The following POFUT1 variants were observed in gnomAD, a reference collection of about 807,000 sequenced individuals.
POFUT1 encodes protein O-fucosyltransferase 1.
In POFUT1, 16 loss-of-function variants were observed where a neutral mutation model predicts 42.4. The observed-to-expected ratio is 0.38, with a 90% confidence interval of 0.26 to 0.57. The LOEUF (loss-of-function observed/expected upper bound fraction) is 0.57. POFUT1 is among the 20% of genes least tolerant of loss of function. The pLI is 0.71. For synonymous variants in POFUT1, 206 were observed against 205.4 expected (o/e 1.00, Z -0.03); for missense variants, 470 against 504.6 (o/e 0.93, Z 0.66).
rs1224113052 is a variant in POFUT1, at chr20:32,217,144, A to G, written c.542+423A>G. 9 of 1,559,770 alleles carry G rather than the reference A, an allele frequency of 5.8e-6. No homozygotes were observed. The African/African-American group carries it at 8.3e-5, about 14-fold the overall frequency. ...TGGACGTGTTTATTAATTGCACCCC[A>G]TTAGCCCCTGTTTTTAAAAAATATA... On this transcript the variant is annotated intron_variant, in intron 4 of 6. Transcript: ENST00000375749.
intron 6 of POFUT1, chr20:32,231,267 C>T: frequency 1.7e-6 from 1 of 581,838 alleles, no homozygotes; most frequent in Non-Finnish European, 3.0e-6. Flanking sequence ...TCCTGGAGCT[C>T]ACGTATCCCT....
chr20:32,223,735 A>G (rs989280505), intron 4 of POFUT1: 2 of 968,554 alleles, frequency 2.1e-6, no homozygotes, highest in African/African-American at 1.8e-5. Flanking sequence ...AAAAATATTT[A>G]TCATGCCTAC....
intron 4 of POFUT1, among the ~76,000 whole-genome samples, chr20:32,218,961 G>C (rs369308672): frequency 1.3e-5 from 2 of 152,216 alleles, no homozygotes; most frequent in African/African-American, 2.4e-5. Context: ...TTTGGGAAAG[G>C]AAAATTAGTA....
chr20:32,214,165 C>A (rs2122568892), intron 2 of POFUT1, among the ~76,000 whole-genome samples: 1 of 152,032 alleles, frequency 6.6e-6, no homozygotes, highest in East Asian at 1.9e-4. Context: ...CACTCTGTGG[C>A]CCAGGCTAGA....
At chr20:32,213,282 T>G (rs1440905009) in intron 2 of POFUT1, among the ~76,000 whole-genome samples, 1 of 151,602 alleles carries the variant, frequency 6.6e-6, no homozygotes, top group Non-Finnish European at 1.5e-5. Context: ...GCCAACATGG[T>G]GAAACCCCAT....
intron 5 of POFUT1, among the ~76,000 whole-genome samples, chr20:32,230,368 C>T (rs1376831350): frequency 7.5e-6 from 1 of 134,172 alleles, no homozygotes; most frequent in Non-Finnish European, 1.5e-5. Flanking sequence ...GCCTGGGCGA[C>T]AGAGCAAGAC....
chr20:32,230,707 A>G, intron 5 of POFUT1, 112 bp from the exon 6 acceptor site: 1 of 1,305,180 alleles, frequency 7.7e-7, no homozygotes, highest in Non-Finnish European at 1.0e-6. Context: ...AAAAAAAAAA[A>G]AAATGTAGTT....
chr20:32,223,068 C>T (rs2047398605), intron 4 of POFUT1: 1 of 985,322 alleles, frequency 1.0e-6, no homozygotes, highest in African/African-American at 1.7e-5. Flanking sequence ...CAGATACATA[C>T]TGGACACATA....
At chr20:32,217,385 A>T (rs1367332502) in intron 4 of POFUT1, 6 of 1,082,864 alleles carry the variant, frequency 5.5e-6, no homozygotes, top group Admixed American at 9.4e-5. Context: ...GAAGGCAGAC[A>T]TTGGTTAGGA....
At position 32,237,487 on chromosome 20, in the gene POFUT1, G is replaced by C. The variant is rs1306702373; in HGVS notation, c.*2826G>C. On this transcript the variant is annotated 3_prime_UTR_variant, in exon 7 of 7. Coordinates refer to ENST00000375749, the MANE Select transcript of POFUT1 (RefSeq NM_015352.2). ...TGGCAGAGAAAACAGCACGTGCAAA[G>C]GCCCCGAGACTGGAGTGTGTTCCTG... The C allele has an allele frequency of 4.8e-6, 1 of 207,796 alleles. No homozygotes were observed. The highest frequency in any genetic ancestry group is 2.3e-5 in the African/African-American group (1 of 44,424). 12.9% of individuals were successfully genotyped at this position (207,796 alleles called of 1,614,324 possible).
intron 4 of POFUT1, among the ~76,000 whole-genome samples, chr20:32,218,277 C>A (rs994786882): frequency 1.6e-4 from 25 of 152,186 alleles, no homozygotes; most frequent in African/African-American, 5.3e-4. Context: ...GCTGGGAGTG[C>A]AGGCATGTGC....
In POFUT1 at chr20:32,237,599, T is replaced by G. The variant is rs1048469648; in HGVS notation, c.*2938T>G. 1 of 298,634 alleles carries G rather than the reference T, an allele frequency of 3.3e-6. No homozygotes were observed. Among genetic ancestry groups the G allele is most frequent in the African/African-American group, 2.2e-5 (1 of 46,312 alleles). 18.5% of individuals were successfully genotyped at this position (298,634 alleles called of 1,614,324 possible). ...GGTCAGAGCAGGCGAGCTGACATTCTGCAGCCTGGACGGCCATGGCAGGAA... is the reference window on the plus strand; with the variant it reads ...GGTCAGAGCAGGCGAGCTGACATTCGGCAGCCTGGACGGCCATGGCAGGAA... On this transcript the variant is annotated 3_prime_UTR_variant, in exon 7 of 7. Transcript: ENST00000375749.
At chr20:32,222,155 T>G (rs376847263) in intron 4 of POFUT1, among the ~76,000 whole-genome samples, 11 of 152,078 alleles carry the variant, frequency 7.2e-5, no homozygotes, top group African/African-American at 2.4e-4. Context: ...AAAAAAAATT[T>G]AGCCGTGCAT....
Position 32,237,926 on chromosome 20 carries a change from T to C in POFUT1, c.*3265T>C. The C allele has an allele frequency of 2.2e-6, 1 of 462,832 alleles. No homozygotes were observed. The highest frequency in any genetic ancestry group is 4.5e-6 in the Non-Finnish European group (1 of 223,364). 28.7% of individuals were successfully genotyped at this position (462,832 alleles called of 1,614,324 possible). On this transcript the variant is annotated 3_prime_UTR_variant, in exon 7 of 7. Transcript: ENST00000375749. ...CATATGTAATTATTTTTCAGTCTTT[T>C]TCAAAGATACAAATATTTACATAGT...
chr20:32,217,153 T>G (rs2047366392), intron 4 of POFUT1: 2 of 1,532,324 alleles, frequency 1.3e-6, no homozygotes, highest in Admixed American at 2.1e-5. Context: ...CATTAGCCCC[T>G]GTTTTTAAAA....
Position 32,234,939 on chromosome 20 carries a change from C to T in POFUT1, c.*278C>T. Reference sequence around the variant, plus strand: ...ACTGGCAAAGCAGTCCAGCCTCCGTCTTCTGGTCCACTCTGCTCTGAGCAG... The same window carrying T: ...ACTGGCAAAGCAGTCCAGCCTCCGTTTTCTGGTCCACTCTGCTCTGAGCAG... On this transcript the variant is annotated 3_prime_UTR_variant, in exon 7 of 7. Transcript: ENST00000375749. 2.8e-6 allele frequency: 1 copy of T among 361,148 alleles called. No individual in the cohort carries two copies. The highest frequency in any genetic ancestry group is 5.0e-6 in the Non-Finnish European group (1 of 198,154). 22.4% of individuals were successfully genotyped at this position (361,148 alleles called of 1,614,324 possible).
chr20:32,211,503 C>T (rs900703934), intron 2 of POFUT1, among the ~76,000 whole-genome samples: 6 of 152,188 alleles, frequency 3.9e-5, no homozygotes, highest in African/African-American at 1.4e-4. Flanking sequence ...ATCTCTTGAC[C>T]TCATGATGTG....
intron 4 of POFUT1, among the ~76,000 whole-genome samples, chr20:32,225,592 G>T (rs138689934): frequency 6.6e-6 from 1 of 152,086 alleles, no homozygotes; most frequent in Non-Finnish European, 1.5e-5. Context: ...AGGCTCAAGC[G>T]ATTTTCCCAT....
chr20:32,226,448 A>G (rs1229229680), intron 4 of POFUT1, among the ~76,000 whole-genome samples: 1 of 138,692 alleles, frequency 7.2e-6, no homozygotes, highest in African/African-American at 3.1e-5. Context: ...GTGTGAGTGC[A>G]TGCCTGTGTG....
Sources: gnomAD v4.1 joint callset for allele counts (sites outside exome capture counted in the v4.1 genomes callset) on GRCh38, gnomAD v4.1.1 for gene constraint, MANE v1.5 for transcripts, NCBI Gene and HGNC (gene_info 2026-07-23, HGNC 2026-07-21) for gene names.